The following PAK5 variants were observed in gnomAD, a reference collection of about 807,000 sequenced individuals.
PAK5 encodes p21 (RAC1) activated kinase 5.
Under a neutral mutation model 65.9 loss-of-function variants are expected in PAK5, and 16 were observed. That is an observed-to-expected ratio of 0.24 (90% CI 0.16 to 0.37). PAK5 has a LOEUF of 0.37. Among genes scored for constraint, PAK5 ranks in the 10% least tolerant of loss-of-function variants. The probability of loss-of-function intolerance (pLI) is 1.00; values close to 1 mark genes in which losing one functional copy is unlikely to be tolerated. For missense variants in PAK5, 785 were observed against 903.9 expected (o/e 0.87, Z 1.69); for synonymous variants, 371 against 354.9 (o/e 1.05, Z -0.51).
intron 1 of PAK5, among the ~76,000 whole-genome samples, chr20:9,756,621 T>A (rs2048637305): frequency 6.6e-6 from 1 of 152,216 alleles, no homozygotes; most frequent in Non-Finnish European, 1.5e-5. Flanking sequence ...GTTATCTACA[T>A]GTTAAAATGG....
chr20:9,616,752 C>T (rs1237195095), intron 3 of PAK5, among the ~76,000 whole-genome samples: 1 of 152,120 alleles, frequency 6.6e-6, no homozygotes, highest in Admixed American at 6.5e-5. Flanking sequence ...TCCTTAGGGG[C>T]CTGATAACCT....
chr20:9,646,671 A>G (rs1225306496), intron 2 of PAK5, among the ~76,000 whole-genome samples: 1 of 152,194 alleles, frequency 6.6e-6, no homozygotes, highest in African/African-American at 2.4e-5. Flanking sequence ...CTGACTCTGG[A>G]CTTGGATATA....
chr20:9,634,904 A>C (rs775034667), intron 3 of PAK5, among the ~76,000 whole-genome samples: 2 of 152,072 alleles, frequency 1.3e-5, no homozygotes, highest in Non-Finnish European at 1.5e-5. Flanking sequence ...GTCCAAGTCC[A>C]TTGTCCTCAC....
chr20:9,595,292 T>A (rs1294495018), intron 3 of PAK5, among the ~76,000 whole-genome samples: 1 of 152,170 alleles, frequency 6.6e-6, no homozygotes, highest in African/African-American at 2.4e-5. Context: ...GCTCCTAGAA[T>A]GCATTCTGTG....
intron 1 of PAK5, among the ~76,000 whole-genome samples, chr20:9,808,184 A>G (rs2049255980): frequency 6.6e-6 from 1 of 152,192 alleles, no homozygotes; most frequent in Non-Finnish European, 1.5e-5. Flanking sequence ...AGTAAGGTGC[A>G]GGTTATAAAT....
intron 1 of PAK5, among the ~76,000 whole-genome samples, chr20:9,735,006 T>G (rs915120748): frequency 4.6e-5 from 7 of 152,176 alleles, no homozygotes; most frequent in African/African-American, 1.7e-4. Flanking sequence ...AGGAAAAGGA[T>G]TTTTCATTTA....
intron 2 of PAK5, among the ~76,000 whole-genome samples, chr20:9,657,866 T>A (rs1465218770): frequency 2.0e-5 from 3 of 152,214 alleles, no homozygotes. Flanking sequence ...CTCCTGTGGC[T>A]GAAGCAATAC....
chr20:9,548,949 G>A (rs1328791033), intron 7 of PAK5, among the ~76,000 whole-genome samples: 1 of 152,136 alleles, frequency 6.6e-6, no homozygotes, highest in Non-Finnish European at 1.5e-5. Flanking sequence ...AAATGCTAGA[G>A]AAGCTGGTTT....
intron 2 of PAK5, among the ~76,000 whole-genome samples, chr20:9,706,266 G>C (rs16996301): frequency 6.6e-6 from 1 of 152,074 alleles, no homozygotes; most frequent in African/African-American, 2.4e-5. Flanking sequence ...ACTATGCTTA[G>C]CACGCTTATA....
chr20:9,734,326 C>T (rs961515632), intron 1 of PAK5, among the ~76,000 whole-genome samples: 1 of 151,872 alleles, frequency 6.6e-6, no homozygotes, highest in Non-Finnish European at 1.5e-5. Flanking sequence ...GCTAGGATGG[C>T]CTCCATGGAA....
At chr20:9,701,307 T>C (rs1180678863) in intron 2 of PAK5, among the ~76,000 whole-genome samples, 1 of 152,128 alleles carries the variant, frequency 6.6e-6, no homozygotes, top group Non-Finnish European at 1.5e-5. Context: ...TTCTAAAAAA[T>C]GACTAAATAA....
At chr20:9,768,640 G>A (rs553999211) in intron 1 of PAK5, among the ~76,000 whole-genome samples, 9 of 151,752 alleles carry the variant, frequency 5.9e-5, no homozygotes, top group Non-Finnish European at 7.4e-5. Context: ...AAAATTATAC[G>A]GGTATGGTGG....
At chr20:9,623,051 A>G (rs2046793860) in intron 3 of PAK5, among the ~76,000 whole-genome samples, 1 of 152,246 alleles carries the variant, frequency 6.6e-6, no homozygotes, top group Non-Finnish European at 1.5e-5. Flanking sequence ...TATGTATAAA[A>G]TGAGTCCATC....
chr20:9,666,633 T>C (rs1482818660), intron 2 of PAK5, among the ~76,000 whole-genome samples: 3 of 151,860 alleles, frequency 2.0e-5, no homozygotes, highest in Non-Finnish European at 4.4e-5. Flanking sequence ...TCTCCCCACC[T>C]CCACCACCAT....
intron 1 of PAK5, among the ~76,000 whole-genome samples, chr20:9,798,211 A>C (rs2049127684): frequency 6.6e-6 from 1 of 151,792 alleles, no homozygotes; most frequent in Admixed American, 6.6e-5. Context: ...TTGACTTTGC[A>C]AGGTTGCAGA....
Position 9,634,341 on chromosome 20 carries a change from G to A in PAK5, c.204+9784C>T, listed in dbSNP as rs2046958479. ...CTCCTCCAAATAGAAGAAGTGGTGG[G>A]TACCCACAGGGATAAATTCCCTGGG... On this transcript the variant is annotated intron_variant, in intron 3 of 9. Coordinates refer to ENST00000353224, the MANE Select transcript of PAK5 (RefSeq NM_177990.4). 2.6e-5 allele frequency among the ~76,000 whole-genome samples: 4 copies of A among 152,278 alleles called. No individual in the cohort carries two copies. The South Asian group carries it at 8.3e-4, about 32-fold the overall frequency.
intron 3 of PAK5, among the ~76,000 whole-genome samples, chr20:9,594,873 G>A (rs2046235162): frequency 6.6e-6 from 1 of 151,928 alleles, no homozygotes; most frequent in Admixed American, 6.6e-5. Context: ...TTACTCCTAA[G>A]GTCCCCTTTT....
intron 4 of PAK5, among the ~76,000 whole-genome samples, chr20:9,570,982 T>G (rs966246454): frequency 6.6e-6 from 1 of 152,228 alleles, no homozygotes; most frequent in Non-Finnish European, 1.5e-5. Flanking sequence ...TGCAGAGCTC[T>G]TTGCTGAAAG....
intron 1 of PAK5, among the ~76,000 whole-genome samples, chr20:9,816,424 G>A (rs750071810): frequency 2.0e-5 from 3 of 152,196 alleles, no homozygotes; most frequent in East Asian, 1.9e-4. Flanking sequence ...TATGTCCATC[G>A]GAGTGTTTCC....
Sources: gnomAD v4.1 joint callset for allele counts (sites outside exome capture counted in the v4.1 genomes callset) on GRCh38, gnomAD v4.1.1 for gene constraint, MANE v1.5 for transcripts, NCBI Gene and HGNC (gene_info 2026-07-23, HGNC 2026-07-21) for gene names.